Variants in GAGE10 observed in about 807,000 individuals in gnomAD.
The protein encoded by GAGE10 is G antigen 10.
GAGE10 carries 9 observed loss-of-function variants against 11.5 expected under a neutral mutation model. The observed-to-expected ratio is 0.78, with a 90% CI of 0.47 to 1.37. The LOEUF (loss-of-function observed/expected upper bound fraction) is 1.37. Ranked by LOEUF, GAGE10 falls within the 40% of genes most tolerant of loss-of-function variation. The probability of loss-of-function intolerance (pLI) is 0.00; values close to 1 mark genes in which losing one functional copy is unlikely to be tolerated. For missense variants in GAGE10, 83 were observed against 92.9 expected (o/e 0.89, Z 0.44); for synonymous variants, 23 against 29.7 (o/e 0.77, Z 0.73).
At chrX:49,315,029 A>G (rs2066386910) in intron 3 of GAGE10, among the ~76,000 whole-genome samples, 2 of 111,886 alleles carry the variant, frequency 1.8e-5, no homozygotes, top group South Asian at 3.8e-4. Flanking sequence ...ACAAAACTCT[A>G]TGGAGAAATG....
chrX:49,304,955 G>A lies in GAGE10; in HGVS notation c.81+15G>A. On this transcript the variant is annotated intron_variant, in intron 2 of 4. Transcript: ENST00000407599. ...GGCCTATGCTGGTGAGTGCTTAAAC[G>A]TTAATTCGTTGTTTTCTATTAGCAG... The A allele has an allele frequency of 8.4e-7, 1 of 1,189,195 alleles. No individual in the cohort carries two copies. The highest frequency in any genetic ancestry group is 1.1e-6 in the Non-Finnish European group (1 of 879,075).
chrX:49,317,164 GC>G lies in GAGE10; in HGVS notation c.206del (p.Pro69ArgfsTer36), dbSNP rs2066395244. 2 of 1,198,559 alleles carry G rather than the reference GC, an allele frequency of 1.7e-6. No homozygotes were observed. Among genetic ancestry groups the G allele is most frequent in the Non-Finnish European group, 2.3e-6 (2 of 888,461 alleles). On this transcript the variant is annotated frameshift_variant and splice_region_variant, in exon 4 of 5. Coordinates refer to ENST00000407599, the MANE Select transcript of GAGE10 (RefSeq NM_001098413.4). LOFTEE classifies it high-confidence loss of function. ...TGATATGTATTTTTTATTTTTAATGGCCGAAGCCTGAAGCTGATAGCCAGGA... is the reference window on the plus strand; with the variant it reads ...TGATATGTATTTTTTATTTTTAATGGCGAAGCCTGAAGCTGATAGCCAGGA... ...EDEGASAGQG[P>X]KPEADSQEQV...
chrX:49,317,637 C>G (rs2066398967), intron 4 of GAGE10, among the ~76,000 whole-genome samples: 1 of 83,498 alleles, frequency 1.2e-5, no homozygotes, highest in African/African-American at 3.5e-5. Context: ...CGAGAGCCAC[C>G]ATACGCGACC....
At chrX:49,313,423 G>A (rs2066381715) in intron 3 of GAGE10, among the ~76,000 whole-genome samples, 1 of 112,032 alleles carries the variant, frequency 8.9e-6, no homozygotes, top group South Asian at 3.7e-4. Flanking sequence ...AATATTGTTC[G>A]GAAGGCCACC....
At chrX:49,309,598 AAAGT>A (rs1206992387) in intron 3 of GAGE10, among the ~76,000 whole-genome samples, 1 of 112,496 alleles carries the variant, frequency 8.9e-6, no homozygotes, top group Non-Finnish European at 1.9e-5. Context: ...TAAAAAGTGA[AAAGT>A]AAAAGCCAAA....
At chrX:49,317,456 T>C (rs1448798189) in intron 4 of GAGE10, among the ~76,000 whole-genome samples, 168 bp downstream of exon 4, 2 of 111,847 alleles carry the variant, frequency 1.8e-5, no homozygotes, top group Non-Finnish European at 3.8e-5. Flanking sequence ...CAAGTGATTC[T>C]CCTGTATGAG....
chrX:49,312,810 A>G (rs1187549056), intron 3 of GAGE10, among the ~76,000 whole-genome samples: 1 of 112,906 alleles, frequency 8.9e-6, no homozygotes, highest in Non-Finnish European at 1.9e-5. Context: ...AGGAACACAC[A>G]TTGGAAGGAC....
At chrX:49,304,445 A>G (rs1451003748) in intron 1 of GAGE10, among the ~76,000 whole-genome samples, 2 of 112,852 alleles carry the variant, frequency 1.8e-5, no homozygotes, top group African/African-American at 6.4e-5. Context: ...ACCTCATCAG[A>G]AATGACCTCT....
intron 3 of GAGE10, among the ~76,000 whole-genome samples, chrX:49,315,668 G>A (rs1274895968): frequency 8.9e-6 from 1 of 112,478 alleles, no homozygotes; most frequent in Non-Finnish European, 1.9e-5. Flanking sequence ...CCTAGAAATC[G>A]ATGATAATGG....
intron 3 of GAGE10, among the ~76,000 whole-genome samples, chrX:49,307,428 C>T (rs2066361258): frequency 1.8e-5 from 2 of 110,896 alleles, no homozygotes; most frequent in African/African-American, 6.5e-5. Context: ...ATTTATTACA[C>T]AGTGTATACT....
intron 3 of GAGE10, among the ~76,000 whole-genome samples, chrX:49,308,471 C>T (rs1396081775): frequency 2.7e-5 from 3 of 111,812 alleles, no homozygotes; most frequent in Non-Finnish European, 5.7e-5. Flanking sequence ...CAGCATGATA[C>T]CAGCACTTCA....
At chrX:49,316,484 A>C (rs1557125238) in intron 3 of GAGE10, among the ~76,000 whole-genome samples, 1 of 111,316 alleles carries the variant, frequency 9.0e-6, no homozygotes, top group African/African-American at 3.3e-5. Flanking sequence ...TAAATAATTA[A>C]ATAATTCCTC....
At chrX:49,317,327 G>A in intron 4 of GAGE10, 39 bp downstream of exon 4, 1 of 1,173,341 alleles carries the variant, frequency 8.5e-7, no homozygotes. Context: ...TAGGGTGTCT[G>A]TTTCCACAGT....
At chrX:49,305,949 G>C (rs1415880615) in intron 3 of GAGE10, among the ~76,000 whole-genome samples, 5 of 111,504 alleles carry the variant, frequency 4.5e-5, no homozygotes, top group Non-Finnish European at 7.5e-5. Context: ...CCCAAGAATA[G>C]ACCCAGTTCA....
At chrX:49,317,090 A>G (rs2066394641) in intron 3 of GAGE10, 73 bp from the exon 4 acceptor site, 6 of 1,070,880 alleles carry the variant, frequency 5.6e-6, no homozygotes, top group Non-Finnish European at 7.7e-6. Flanking sequence ...TAACACCGAG[A>G]GCATGAATAT....
chrX:49,310,545 G>T (rs1235456202), intron 3 of GAGE10, among the ~76,000 whole-genome samples: 1 of 111,670 alleles, frequency 9.0e-6, no homozygotes, highest in East Asian at 2.8e-4. Context: ...ACCCAAGAGC[G>T]GCGTTCGGTT....
chrX:49,310,986 A>G (rs1485605949), intron 3 of GAGE10, among the ~76,000 whole-genome samples: 12 of 111,751 alleles, frequency 1.1e-4, no homozygotes, highest in African/African-American at 3.9e-4. Context: ...TGGAAAGTCT[A>G]AGGCAATGGT....
intron 3 of GAGE10, among the ~76,000 whole-genome samples, chrX:49,313,958 C>T (rs2066383276): frequency 9.0e-6 from 1 of 111,549 alleles, no homozygotes. Flanking sequence ...TATGCATGGC[C>T]GAAGCTAAGA....
intron 3 of GAGE10, among the ~76,000 whole-genome samples, chrX:49,316,762 CT>C (rs1446894073): frequency 9.1e-6 from 1 of 110,471 alleles, no homozygotes; most frequent in Non-Finnish European, 1.9e-5. Context: ...TTTTTCATGT[CT>C]TTTTTAAAGA....
Sources: allele counts gnomAD v4.1 joint callset (sites outside exome capture counted in the v4.1 genomes callset), GRCh38; gene constraint gnomAD v4.1.1; transcripts MANE v1.5; gene names NCBI Gene and HGNC (gene_info 2026-07-23, HGNC 2026-07-21).